ESRRG: variants seen among roughly 807,000 people sequenced by gnomAD.
ESRRG encodes estrogen related receptor gamma.
ESRRG carries 13 observed loss-of-function variants against 44.0 expected under a neutral mutation model. That is an observed-to-expected ratio of 0.30 (90% CI 0.19 to 0.47). The LOEUF (loss-of-function observed/expected upper bound fraction) is 0.47, where lower values mean the gene tolerates loss of function less well. Ranked by LOEUF, ESRRG falls within the 20% of genes least tolerant of loss-of-function variation. The probability of loss-of-function intolerance (pLI) is 1.00; values close to 1 mark genes in which losing one functional copy is unlikely to be tolerated. For synonymous variants in ESRRG, 215 were observed against 214.6 expected, an observed-to-expected ratio of 1.00 and a Z score of -0.02; for missense variants, 395 against 580.6, an observed-to-expected ratio of 0.68 and a Z score of 3.29.
chr1:216,986,343 T>G (rs1464137691), intron 1 of ESRRG, among the ~76,000 whole-genome samples: 2 of 151,544 alleles, frequency 1.3e-5, no homozygotes, highest in Non-Finnish European at 2.9e-5. Flanking sequence ...ACAGGTACCA[T>G]GTCTGAGAAT....
At chr1:216,619,253 G>C (rs1476907521) in intron 3 of ESRRG, among the ~76,000 whole-genome samples, 1 of 152,182 alleles carries the variant, frequency 6.6e-6, no homozygotes, top group African/African-American at 2.4e-5. Flanking sequence ...GAACATTAAT[G>C]ATTCCTATAA....
intron 1 of ESRRG, among the ~76,000 whole-genome samples, chr1:216,944,830 G>A (rs1285139000): frequency 2.0e-5 from 3 of 152,048 alleles, no homozygotes; most frequent in Non-Finnish European, 2.9e-5. Context: ...CTCTCTGGGG[G>A]AATAACAGAG....
chr1:216,527,304 AATT>A, intron 5 of ESRRG, among the ~76,000 whole-genome samples: 1 of 152,048 alleles, frequency 6.6e-6, no homozygotes, highest in Admixed American at 6.6e-5. Flanking sequence ...TTTTGGGGTA[AATT>A]TTAACAGCAT....
intron 3 of ESRRG, among the ~76,000 whole-genome samples, chr1:216,578,349 T>C (rs557660227): frequency 3.9e-5 from 6 of 152,178 alleles, no homozygotes; most frequent in African/African-American, 9.6e-5. Flanking sequence ...ATGCTCTGTG[T>C]AAAAGAAGCC....
At chr1:216,693,813 T>A (rs927796559) in intron 1 of ESRRG, among the ~76,000 whole-genome samples, 2 of 152,210 alleles carry the variant, frequency 1.3e-5, no homozygotes, top group African/African-American at 4.8e-5. Context: ...GTTTCCATCC[T>A]TCCTCTATGA....
chr1:216,671,990 C>A (rs2075271266), intron 2 of ESRRG, among the ~76,000 whole-genome samples: 1 of 146,840 alleles, frequency 6.8e-6, no homozygotes. Context: ...AGGGGAAACT[C>A]TTAATGAGAA....
chr1:217,032,442 G>A (rs2082212799), intron 1 of ESRRG, among the ~76,000 whole-genome samples: 1 of 152,166 alleles, frequency 6.6e-6, no homozygotes, highest in South Asian at 2.1e-4. Context: ...CACAATTCAA[G>A]ATTGATGGTC....
intron 1 of ESRRG, among the ~76,000 whole-genome samples, chr1:216,693,236 C>A (rs551637508): frequency 6.6e-6 from 1 of 152,218 alleles, no homozygotes; most frequent in South Asian, 2.1e-4. Flanking sequence ...CAGTTAACAT[C>A]TTTTTTTGTG....
intron 6 of ESRRG, among the ~76,000 whole-genome samples, chr1:216,515,918 A>AATCT (rs1169637718): frequency 6.6e-6 from 1 of 152,100 alleles, no homozygotes; most frequent in African/African-American, 2.4e-5. Context: ...CCTATCATAT[A>AATCT]ATCTTACCTA....
chr1:216,649,717 T>C (rs532177830), intron 3 of ESRRG, among the ~76,000 whole-genome samples: 1 of 152,254 alleles, frequency 6.6e-6, no homozygotes, highest in East Asian at 1.9e-4. Context: ...TTTGAGAGTG[T>C]CTTCTTTGTT....
chr1:216,741,989 T>C (rs2090795972), intron 2 of ESRRG, among the ~76,000 whole-genome samples: 1 of 152,184 alleles, frequency 6.6e-6, no homozygotes, highest in Non-Finnish European at 1.5e-5. Context: ...TATGCCATTC[T>C]CAAGTACTTT....
intron 3 of ESRRG, among the ~76,000 whole-genome samples, chr1:216,618,831 G>C (rs942710831): frequency 1.3e-5 from 2 of 152,234 alleles, no homozygotes; most frequent in African/African-American, 2.4e-5. Context: ...AATTCTCAAA[G>C]AGAGATATAT....
chr1:216,911,617 C>T (rs1394606015), intron 2 of ESRRG, among the ~76,000 whole-genome samples: 1 of 152,058 alleles, frequency 6.6e-6, no homozygotes, highest in Admixed American at 6.6e-5. Context: ...TGTGTCAGTG[C>T]AGGTTCATCA....
rs35668576 is a variant in ESRRG at position 216,514,959 on chromosome 1, TACAC to T, written c.1132+4189_1132+4192del. 7.7e-3 allele frequency among the ~76,000 whole-genome samples: 1,146 copies of T among 149,186 alleles called. 6 individuals carry two copies. The highest frequency in any genetic ancestry group is 0.019 in the African/African-American group (765 of 40,702). On this transcript the variant is annotated intron_variant, in intron 6 of 6. Transcript: ENST00000408911. ...CTGGCTAAGGCCCAGTTTTACTTTA[TACAC>T]ACACACACACACACACACACACAAC...
At chr1:216,811,819 G>C (rs912938140) in intron 2 of ESRRG, among the ~76,000 whole-genome samples, 1 of 152,150 alleles carries the variant, frequency 6.6e-6, no homozygotes, top group African/African-American at 2.4e-5. Context: ...GCTGAAAAAA[G>C]GGTTTCCATT....
At chr1:217,090,018 T>C (rs2092307272), upstream of ESRRG, among the ~76,000 whole-genome samples, 1 of 152,194 alleles carries the variant, frequency 6.6e-6, no homozygotes, top group Non-Finnish European at 1.5e-5. Flanking sequence ...TTTTTAAAAA[T>C]AAATATCTAT....
intron 5 of ESRRG, among the ~76,000 whole-genome samples, chr1:216,560,662 A>G (rs992955979): frequency 1.3e-5 from 2 of 152,190 alleles, no homozygotes; most frequent in Non-Finnish European, 2.9e-5. Context: ...ACCTAGCTCT[A>G]ATATTTGACA....
chr1:217,003,420 T>C (rs1286162960), intron 1 of ESRRG, among the ~76,000 whole-genome samples: 1 of 151,960 alleles, frequency 6.6e-6, no homozygotes. Flanking sequence ...AAACATTAGT[T>C]TCCCTTTTCT....
intron 1 of ESRRG, among the ~76,000 whole-genome samples, chr1:216,980,930 C>T (rs759030845): frequency 7.2e-5 from 11 of 152,052 alleles, no homozygotes; most frequent in Non-Finnish European, 1.5e-4. Context: ...TCCTGGAATA[C>T]CATTTCCCAC....
Sources: allele counts gnomAD v4.1 joint callset (sites outside exome capture counted in the v4.1 genomes callset), GRCh38; gene constraint gnomAD v4.1.1; transcripts MANE v1.5; gene names NCBI Gene and HGNC (gene_info 2026-07-23, HGNC 2026-07-21).